The following AKAP13 variants were observed in gnomAD, a reference collection of about 807,000 sequenced individuals.
AKAP13 encodes A-kinase anchoring protein 13.
In AKAP13, 80 loss-of-function variants were observed where a neutral mutation model predicts 264.5. The observed-to-expected ratio is 0.30, with a 90% CI of 0.25 to 0.36. AKAP13 has a LOEUF of 0.36. AKAP13 is among the 10% of genes least tolerant of loss of function. The probability of loss-of-function intolerance (pLI) is 1.00; values close to 1 mark genes in which losing one functional copy is unlikely to be tolerated. For synonymous variants in AKAP13, 1,380 were observed against 1,250.2 expected, an observed-to-expected ratio of 1.10 and a Z score of -2.19; for missense variants, 3,712 against 3,435.2, an observed-to-expected ratio of 1.08 and a Z score of -2.01.
chr15:85,546,447 A>G (rs2077748774), intron 5 of AKAP13, among the ~76,000 whole-genome samples: 1 of 152,194 alleles, frequency 6.6e-6, no homozygotes, highest in South Asian at 2.1e-4. Flanking sequence ...AGCCTTAAAA[A>G]GAAAAGATCA....
intron 5 of AKAP13, among the ~76,000 whole-genome samples, chr15:85,562,551 T>A: frequency 9.3e-6 from 1 of 106,954 alleles, no homozygotes; most frequent in Non-Finnish European, 1.7e-5. Flanking sequence ...GGTGACAGAG[T>A]GAGAATCTGC....
At chr15:85,514,144 G>A (rs1420122577) in intron 2 of AKAP13, among the ~76,000 whole-genome samples, 1 of 137,294 alleles carries the variant, frequency 7.3e-6, no homozygotes, top group Non-Finnish European at 1.6e-5. Flanking sequence ...TTTTGCCAGA[G>A]TGAATCTTTA....
intron 5 of AKAP13, among the ~76,000 whole-genome samples, chr15:85,564,219 C>T (rs1170661626): frequency 1.3e-5 from 2 of 152,112 alleles, no homozygotes; most frequent in Non-Finnish European, 2.9e-5. Flanking sequence ...AAATGTTTTA[C>T]ATTTAACTTT....
At chr15:85,403,710 G>A (rs575473663) in intron 1 of AKAP13, among the ~76,000 whole-genome samples, 10 of 151,920 alleles carry the variant, frequency 6.6e-5, no homozygotes, top group African/African-American at 1.4e-4. Context: ...GCGTGGTGGC[G>A]CATGTCTGTA....
intron 12 of AKAP13, among the ~76,000 whole-genome samples, chr15:85,660,985 TG>T (rs1219428671): frequency 6.6e-6 from 1 of 152,214 alleles, no homozygotes; most frequent in African/African-American, 2.4e-5. Context: ...TAGGTGTTTT[TG>T]GTGCCAGGCC....
At chr15:85,678,039 C>T (rs898887204) in intron 14 of AKAP13, among the ~76,000 whole-genome samples, 31 of 152,108 alleles carry the variant, frequency 2.0e-4, no homozygotes, top group Non-Finnish European at 3.1e-4. Flanking sequence ...CAGATGAATA[C>T]ATTCTTACTT....
chr15:85,680,283 C>G (rs896381349), intron 14 of AKAP13, among the ~76,000 whole-genome samples: 1 of 152,062 alleles, frequency 6.6e-6, no homozygotes, highest in Non-Finnish European at 1.5e-5. Flanking sequence ...GGTTTTAAAA[C>G]CACTGATTTA....
chr15:85,741,330 G>C lies in AKAP13; in HGVS notation c.7893G>C (p.Gln2631His), dbSNP rs551748747. 7.5e-5 allele frequency: 121 copies of C among 1,613,562 alleles called. No homozygotes were observed. The highest frequency in any genetic ancestry group is 9.9e-5 in the Non-Finnish European group (117 of 1,179,838). ...QREEEVQQGQ[Q>H]DLEKEREELQ... ...AGGAGGAGGTGCAGCAGGGGCAGCAGGACCTGGAAAAGGAGCGGGAGGAGC... is the reference window on the plus strand; with the variant it reads ...AGGAGGAGGTGCAGCAGGGGCAGCACGACCTGGAAAAGGAGCGGGAGGAGC... The change falls in exon 35 of 37, where the codon CAG becomes CAC. Residue 2631 changes from glutamine (Q) to histidine (H), a missense_variant. By Grantham distance (24) the Gln-to-His change is conservative. Around this residue, in one of 3 missense-constraint regions of AKAP13, gnomAD observed 611 missense variants for 539.3 expected, o/e 1.13. Transcript: ENST00000394518.
chr15:85,448,673 C>T (rs771928429), intron 1 of AKAP13, among the ~76,000 whole-genome samples: 4 of 151,924 alleles, frequency 2.6e-5, no homozygotes, highest in African/African-American at 9.7e-5. Flanking sequence ...ATCAGATGGT[C>T]GTAGATGTGT....
chr15:85,649,140 A>G (rs2082689946), intron 10 of AKAP13, among the ~76,000 whole-genome samples: 1 of 152,236 alleles, frequency 6.6e-6, no homozygotes, highest in Admixed American at 6.5e-5. Context: ...AATTTTTAAA[A>G]TATTTGATCT....
At chr15:85,593,623 G>A (rs2079679581) in intron 8 of AKAP13, among the ~76,000 whole-genome samples, 1 of 151,434 alleles carries the variant, frequency 6.6e-6, no homozygotes, top group Admixed American at 6.6e-5. Context: ...TTTTGTTCTG[G>A]GATATTAAAA....
intron 8 of AKAP13, among the ~76,000 whole-genome samples, chr15:85,593,666 T>C (rs1293257267): frequency 6.6e-5 from 10 of 152,166 alleles, no homozygotes; most frequent in Admixed American, 6.5e-4. Flanking sequence ...TTTTCTTTCA[T>C]AGAACTGCTG....
intron 16 of AKAP13, 49 bp from the exon 17 acceptor site, chr15:85,693,228 A>G (rs2085389083): frequency 2.0e-6 from 3 of 1,502,044 alleles, no homozygotes; most frequent in Admixed American, 2.6e-5. Context: ...GTAAGGAGAA[A>G]GCCCTCCAGT....
chr15:85,718,048 T>A lies in AKAP13; in HGVS notation c.5890T>A (p.Phe1964Ile). 6.2e-7 allele frequency: 1 copy of A among 1,614,136 alleles called. No individual in the cohort carries two copies. Among genetic ancestry groups the A allele is most frequent in the South Asian group, 1.1e-5 (1 of 91,084 alleles). The change falls in exon 22 of 37, where the codon TTT (phenylalanine) becomes ATT (isoleucine). Residue 1964 changes from phenylalanine to isoleucine, a missense_variant. Phe to Ile is a conservative substitution (Grantham distance 21). Transcript: ENST00000394518. The surrounding 1 kb of genome is among the most constrained non-coding windows in gnomAD (Gnocchi z 4.9). Reference protein sequence around the residue: ...DMNEGQLLGDFEIESKQLEAE... With the variant: ...DMNEGQLLGDIEIESKQLEAE... ...GAATGAAGGACAACTACTGGGAGAC[T>A]TTGAGATTGAGTCCAAACAGCTGGA... is the stretch of plus-strand genomic sequence containing the variant.
intron 2 of AKAP13, among the ~76,000 whole-genome samples, chr15:85,487,184 T>C (rs115985069): frequency 0.013 from 1,965 of 152,344 alleles, 54 homozygotes; most frequent in African/African-American, 0.045. Flanking sequence ...TGCCTTAGGA[T>C]TTTCTCTGTA....
At chr15:85,562,704 T>C (rs1468915876) in intron 5 of AKAP13, among the ~76,000 whole-genome samples, 1 of 137,600 alleles carries the variant, frequency 7.3e-6, no homozygotes, top group African/African-American at 2.7e-5. Context: ...TTTTTTTTTT[T>C]TTTTTTTTGA....
intron 33 of AKAP13, 68 bp downstream of exon 33, chr15:85,736,202 T>A (rs1327617598): frequency 7.3e-7 from 1 of 1,375,996 alleles, no homozygotes; most frequent in Non-Finnish European, 1.0e-6. Context: ...GAATATTGTT[T>A]TTTCCTTTTT....
chr15:85,570,186 G>GA (rs2078765242), intron 5 of AKAP13, among the ~76,000 whole-genome samples: 1 of 151,828 alleles, frequency 6.6e-6, no homozygotes, highest in Non-Finnish European at 1.5e-5. Flanking sequence ...TGTGGTGGCT[G>GA]ACGCCTGTAA....
chr15:85,443,221 C>G (rs1283055181), intron 1 of AKAP13, among the ~76,000 whole-genome samples: 1 of 151,874 alleles, frequency 6.6e-6, no homozygotes, highest in African/African-American at 2.4e-5. Flanking sequence ...ATGTCCTACT[C>G]AAATTAAGAC....
Sources: allele counts gnomAD v4.1 joint callset (sites outside exome capture counted in the v4.1 genomes callset), GRCh38; gene constraint gnomAD v4.1.1; regional missense constraint gnomAD v4.1.1; non-coding constraint Gnocchi (gnomAD v3.1); transcripts MANE v1.5; gene names NCBI Gene and HGNC (gene_info 2026-07-23, HGNC 2026-07-21).